Variants in DPY19L1 observed in about 807,000 individuals in gnomAD.
DPY19L1 encodes the protein dpy-19 like C-mannosyltransferase 1.
A neutral mutation model predicts 96.9 loss-of-function variants in DPY19L1; 35 were observed. The observed-to-expected ratio is 0.36, with a 90% CI of 0.28 to 0.48. DPY19L1 has a LOEUF of 0.48. Among genes scored for constraint, DPY19L1 ranks in the 20% least tolerant of loss-of-function variants. DPY19L1 has a pLI of 0.99. For missense variants in DPY19L1, 521 were observed against 777.9 expected, an observed-to-expected ratio of 0.67 and a Z score of 3.93; for synonymous variants, 205 against 252.6, an observed-to-expected ratio of 0.81 and a Z score of 1.79.
At chr7:34,975,980 C>T (rs371443261) in intron 7 of DPY19L1, among the ~76,000 whole-genome samples, 17 of 152,260 alleles carry the variant, frequency 1.1e-4, no homozygotes, top group East Asian at 3.9e-4. Context: ...CGGGTGGAGA[C>T]GGATGAGGTG....
At chr7:35,010,971 T>G (rs959220484) in intron 5 of DPY19L1, among the ~76,000 whole-genome samples, 1 of 152,204 alleles carries the variant, frequency 6.6e-6, no homozygotes, top group Admixed American at 6.5e-5. Context: ...TCTGAGGTAC[T>G]TTGCTTTCAA....
intron 7 of DPY19L1, among the ~76,000 whole-genome samples, chr7:34,983,963 G>T (rs1282358033): frequency 6.7e-6 from 1 of 149,730 alleles, no homozygotes; most frequent in Non-Finnish European, 1.5e-5. Flanking sequence ...ACAGAGAAAA[G>T]ACACATTACA....
At chr7:34,998,073 A>T (rs1785333270) in intron 6 of DPY19L1, among the ~76,000 whole-genome samples, 2 of 152,254 alleles carry the variant, frequency 1.3e-5, no homozygotes, top group South Asian at 4.1e-4. Context: ...AGCAGCTTAA[A>T]AAAATCTCTC....
chr7:35,037,626 C>T (rs922685010), upstream of DPY19L1: 1 of 221,256 alleles, frequency 4.5e-6, no homozygotes, highest in Non-Finnish European at 8.5e-6. Flanking sequence ...AGCCCGCCGC[C>T]GTTGCCGCCG....
At chr7:34,954,049 T>G (rs528667505) in intron 13 of DPY19L1, among the ~76,000 whole-genome samples, 1 of 152,332 alleles carries the variant, frequency 6.6e-6, no homozygotes, top group Non-Finnish European at 1.5e-5. Context: ...TAGTTTATTT[T>G]TTCCATGTTG....
chr7:34,966,060 G>A (rs1191381655), intron 10 of DPY19L1, among the ~76,000 whole-genome samples: 1 of 151,424 alleles, frequency 6.6e-6, no homozygotes, highest in East Asian at 1.9e-4. Context: ...ATAGAGATGG[G>A]GTCTCACCCA....
At chr7:34,993,981 G>A (rs1210363963) in intron 6 of DPY19L1, among the ~76,000 whole-genome samples, 10 of 152,038 alleles carry the variant, frequency 6.6e-5, no homozygotes, top group African/African-American at 9.7e-5. Context: ...GTCAAGATTC[G>A]TTTGAACCGG....
intron 7 of DPY19L1, among the ~76,000 whole-genome samples, chr7:34,983,818 T>G (rs771428548): frequency 6.6e-6 from 1 of 152,128 alleles, no homozygotes; most frequent in Non-Finnish European, 1.5e-5. Flanking sequence ...AAGAAGATCT[T>G]GGCTAGAAAT....
chr7:34,944,365 CAAA>C (rs60937482), intron 16 of DPY19L1, among the ~76,000 whole-genome samples: 3 of 82,304 alleles, frequency 3.6e-5, no homozygotes, highest in Admixed American at 1.4e-4. Flanking sequence ...GGCTCTGTCT[CAAA>C]AAAAAAAAAA....
intron 6 of DPY19L1, among the ~76,000 whole-genome samples, chr7:35,000,979 G>A (rs1785413411): frequency 6.6e-6 from 1 of 152,148 alleles, no homozygotes; most frequent in Admixed American, 6.5e-5. Context: ...ACACGTTTTG[G>A]AGCCACTGTT....
chr7:34,959,922 TATTTA>T (rs1562806966), intron 10 of DPY19L1, among the ~76,000 whole-genome samples: 5,445 of 57,916 alleles, frequency 0.094, 122 homozygotes, highest in South Asian at 0.2. Flanking sequence ...TATATATATA[TATTTA>T]TATATATATA....
chr7:34,950,448 T>A (rs1784246369), intron 13 of DPY19L1, among the ~76,000 whole-genome samples: 1 of 152,160 alleles, frequency 6.6e-6, no homozygotes, highest in East Asian at 1.9e-4. Flanking sequence ...CACATTTACC[T>A]CCCACAAAAA....
chr7:34,997,276 C>T (rs1785307897), intron 6 of DPY19L1, among the ~76,000 whole-genome samples: 1 of 150,252 alleles, frequency 6.7e-6, no homozygotes, highest in Non-Finnish European at 1.5e-5. Context: ...GATATGTTAG[C>T]AGGCCAAGTT....
At chr7:35,004,535 A>T (rs567683312) in intron 6 of DPY19L1, among the ~76,000 whole-genome samples, 3 of 152,324 alleles carry the variant, frequency 2.0e-5, no homozygotes, top group Admixed American at 6.5e-5. Context: ...AAGCTCTGAT[A>T]ATTTATTTAT....
chr7:34,952,792 C>A (rs1162861190), intron 13 of DPY19L1, among the ~76,000 whole-genome samples: 4 of 151,982 alleles, frequency 2.6e-5, no homozygotes, highest in Non-Finnish European at 4.4e-5. Context: ...CTCCCATTCT[C>A]CAAAACCACT....
Position 34,967,345 on chromosome 7 carries a change from C to T in DPY19L1, c.1015-374G>A, listed in dbSNP as rs141092969. 8.2e-3 allele frequency among the ~76,000 whole-genome samples: 1,250 copies of T among 152,220 alleles called. 21 individuals are homozygous for T. Among genetic ancestry groups the T allele is most frequent in the African/African-American group, 0.029 (1,198 of 41,536 alleles). On this transcript the variant is annotated intron_variant, in intron 9 of 21. Coordinates refer to ENST00000638088, the MANE Select transcript of DPY19L1 (RefSeq NM_001366673.1). ...AACTAATACATAATTGGGGAAGGTA[C>T]ATTTAACTGAAAAATAATTATGCAA...
chr7:34,941,892 A>G lies in DPY19L1; in HGVS notation c.1570-8T>C, dbSNP rs765970840. ...CAATGCATGGTAAACCAGCTGAAAG[A>G]AAGAAGAAAATGTTTTTTACTCCTA... On this transcript the variant is annotated splice_polypyrimidine_tract_variant and splice_region_variant and intron_variant, in intron 17 of 21. Transcript: ENST00000638088. 1.1e-5 allele frequency: 17 copies of G among 1,563,778 alleles called. No homozygotes were observed. Among genetic ancestry groups the G allele is most frequent in the Non-Finnish European group, 1.4e-5 (16 of 1,161,728 alleles).
At chr7:34,990,604 T>C (rs1008592020) in intron 6 of DPY19L1, among the ~76,000 whole-genome samples, 4 of 152,192 alleles carry the variant, frequency 2.6e-5, no homozygotes, top group African/African-American at 9.7e-5. Flanking sequence ...TAACTCTAGG[T>C]AAGAAATTAC....
rs1784355460 is a variant in DPY19L1 at position 34,955,330 on chromosome 7, T to A, written c.1217A>T (p.Asn406Ile). ...LAMKPHFLKI[N>I]VSELSLWVIQ... ...CACCCATAAACTAAGTTCAGATACATTTATTTTCAGGAAATGTGGTTTCAT... is the reference window on the plus strand; with the variant it reads ...CACCCATAAACTAAGTTCAGATACAATTATTTTCAGGAAATGTGGTTTCAT... Residue 406 changes from asparagine to isoleucine, a missense_variant, in exon 12 of 22, where the codon AAT becomes ATT. By Grantham distance (149) the Asn-to-Ile change is moderately radical (BLOSUM62 -3). Coordinates refer to ENST00000638088, the MANE Select transcript of DPY19L1 (RefSeq NM_001366673.1). The A allele has an allele frequency of 6.2e-7, 1 of 1,606,620 alleles. No homozygotes were observed. Among genetic ancestry groups the A allele is most frequent in the Non-Finnish European group, 8.5e-7 (1 of 1,174,840 alleles).
Sources: gnomAD v4.1 joint callset for allele counts (sites outside exome capture counted in the v4.1 genomes callset) on GRCh38, gnomAD v4.1.1 for gene constraint, MANE v1.5 for transcripts, NCBI Gene and HGNC (gene_info 2026-07-23, HGNC 2026-07-21) for gene names.